Variants in FBLN1 observed in about 807,000 individuals in gnomAD.
FBLN1 encodes the protein fibulin-1.
FBLN1 carries 34 observed loss-of-function variants against 89.7 expected under a neutral mutation model. The ratio of observed to expected loss-of-function variants is 0.38; its 90% confidence interval spans 0.29 to 0.50. The LOEUF (loss-of-function observed/expected upper bound fraction) is 0.50. FBLN1 is among the 20% of genes least tolerant of loss of function. The pLI, the probability that FBLN1 is intolerant of heterozygous loss-of-function variation, is 0.92. For missense variants in FBLN1, 777 were observed against 988.1 expected, an observed-to-expected ratio of 0.79 and a Z score of 2.86; for synonymous variants, 393 against 391.3, an observed-to-expected ratio of 1.00 and a Z score of -0.05.
In FBLN1 at chr22:45,580,309, G is replaced by A. The variant is rs2089032000; in HGVS notation, c.1972+3201G>A. Among the ~76,000 whole-genome samples the A allele has an allele frequency of 6.6e-6, 1 of 152,156 alleles. No individual in the cohort carries two copies. The highest frequency in any genetic ancestry group is 6.5e-5 in the Admixed American group (1 of 15,284). On this transcript the variant is annotated intron_variant, in intron 16 of 16. Coordinates refer to ENST00000327858, the MANE Select transcript of FBLN1 (RefSeq NM_006486.3). The surrounding 1 kb of genome is among the most constrained non-coding windows in gnomAD (Gnocchi z 8.6). Reference sequence around the variant, plus strand: ...CTCCTGGGCAGCCCCGTGCAGCTCTGTGCTGCCTGCAGCACACGGCAGGGA... The same window carrying A: ...CTCCTGGGCAGCCCCGTGCAGCTCTATGCTGCCTGCAGCACACGGCAGGGA...
intron 1 of FBLN1, among the ~76,000 whole-genome samples, chr22:45,508,970 G>A (rs1206453127): frequency 1.3e-5 from 2 of 152,192 alleles, no homozygotes; most frequent in African/African-American, 2.4e-5. Flanking sequence ...ATGTGCATGC[G>A]TGTATATGTG....
chr22:45,579,942 C>G lies in FBLN1; in HGVS notation c.1972+2834C>G, dbSNP rs528401368. On this transcript the variant is annotated intron_variant, in intron 16 of 16. Coordinates refer to ENST00000327858, the MANE Select transcript of FBLN1 (RefSeq NM_006486.3). The surrounding 1 kb of genome is among the most constrained non-coding windows in gnomAD (Gnocchi z 5.5). Reference sequence around the variant, plus strand: ...TAATAGATGGTTCCACCGTTGGACTCGAGCCCAGCCTGAAGCAGCCCTGAA... The same window carrying G: ...TAATAGATGGTTCCACCGTTGGACTGGAGCCCAGCCTGAAGCAGCCCTGAA... Among the ~76,000 whole-genome samples, 1 of 152,130 alleles carries G rather than the reference C, an allele frequency of 6.6e-6. No homozygotes were observed. Among genetic ancestry groups the G allele is most frequent in the South Asian group, 2.1e-4 (1 of 4,814 alleles).
Position 45,574,938 on chromosome 22 carries a change from C to G in FBLN1, c.1840+285C>G, listed in dbSNP as rs944588393. 9.9e-5 allele frequency among the ~76,000 whole-genome samples: 15 copies of G among 152,164 alleles called. No homozygotes were observed. The highest frequency in any genetic ancestry group is 3.4e-3 in the Middle Eastern group (1 of 294). On this transcript the variant is annotated intron_variant, in intron 15 of 16. Transcript: ENST00000327858. This position sits in a 1 kb window ranked among gnomAD's most constrained non-coding sequence, Gnocchi z 4.1. ...CTGGGACTACAGGCGCCCGCCACCA[C>G]GCCTGGCTAATCTTTTTGTATTTTT...
chr22:45,585,999 C>T (rs2089082360), intron 16 of FBLN1, among the ~76,000 whole-genome samples: 1 of 150,516 alleles, frequency 6.6e-6, no homozygotes, highest in South Asian at 2.1e-4. Flanking sequence ...AGCTCCTGGG[C>T]TCAGGCCAGA....
intron 8 of FBLN1, 89 bp from the exon 9 acceptor site, chr22:45,541,140 G>A: frequency 6.5e-7 from 1 of 1,545,668 alleles, no homozygotes; most frequent in South Asian, 1.1e-5. Flanking sequence ...CAAAGAGGTG[G>A]GAAGGGGAGT....
intron 1 of FBLN1, among the ~76,000 whole-genome samples, chr22:45,507,889 C>G (rs559537493): frequency 6.6e-6 from 1 of 152,134 alleles, no homozygotes; most frequent in East Asian, 1.9e-4. Context: ...GTTTTGCTAC[C>G]TAGGTATGAA....
intron 1 of FBLN1, among the ~76,000 whole-genome samples, chr22:45,507,052 G>C (rs1335220901): frequency 1.3e-5 from 2 of 152,130 alleles, no homozygotes; most frequent in African/African-American, 4.8e-5. Flanking sequence ...TGGGAGGGGG[G>C]AACCACTGTG....
At position 45,536,806 on chromosome 22, in the gene FBLN1, A is replaced by G. The variant is rs2088488126; in HGVS notation, c.922+1469A>G. On this transcript the variant is annotated intron_variant, in intron 8 of 16. Transcript: ENST00000327858. This position sits in a 1 kb window ranked among gnomAD's most constrained non-coding sequence, Gnocchi z 5.1. ...AAGAAATTGCTGATATCAGAGAAAT[A>G]CTAATATGAAAAGAGAGAATCCCAT... is the stretch of plus-strand genomic sequence containing the variant. Among the ~76,000 whole-genome samples, 1 of 152,136 alleles carries G rather than the reference A, an allele frequency of 6.6e-6. No individual in the cohort carries two copies. Among genetic ancestry groups the G allele is most frequent in the Admixed American group, 6.6e-5 (1 of 15,264 alleles).
rs148016944 is a variant in FBLN1 at position 45,581,529 on chromosome 22, T to C, written c.1972+4421T>C. On this transcript the variant is annotated intron_variant, in intron 16 of 16. Coordinates refer to ENST00000327858, the MANE Select transcript of FBLN1 (RefSeq NM_006486.3). The surrounding 1 kb of genome is among the most constrained non-coding windows in gnomAD (Gnocchi z 7.6). ...CACATTTCTGTTAAAACCCTGCCAA[T>C]GCCAACAGGAGCTACAGAGCCTGCA... Among the ~76,000 whole-genome samples, 623 of 152,270 alleles carry C rather than the reference T, an allele frequency of 4.1e-3. 2 individuals carry two copies. The highest frequency in any genetic ancestry group is 0.015 in the African/African-American group (610 of 41,548).
At chr22:45,564,920 G>A (rs760556458) in intron 14 of FBLN1, 74 of 1,613,970 alleles carry the variant, frequency 4.6e-5, no homozygotes, top group Admixed American at 3.2e-4. Context: ...ACACCCCAGC[G>A]GGATCAAGTA....
rs5845717 is a variant in FBLN1 at position 45,547,386 on chromosome 22, G to GT, written c.1441+209dup. On this transcript the variant is annotated intron_variant, in intron 12 of 16. Transcript: ENST00000327858. Reference sequence around the variant, plus strand: ...GTTTGCTGTTTTCCCTCCAACTGAGGTTTTTTTTTTTTTTTTTTTTTTTTT... The same window carrying GT: ...GTTTGCTGTTTTCCCTCCAACTGAGGTTTTTTTTTTTTTTTTTTTTTTTTTT... Among the ~76,000 whole-genome samples, 4,198 of 53,702 alleles carry GT rather than the reference G, an allele frequency of 0.078. 895 individuals carry two copies. Among genetic ancestry groups the GT allele is most frequent in the Admixed American group, 0.14 (411 of 2,990 alleles). The allele number at this position is 53,702 out of a possible 152,430, so 35.2% of individuals were successfully genotyped here.
rs1213391028 is a variant in FBLN1 at position 45,550,775 on chromosome 22, A to G, written c.1697+160A>G. The stretch of plus-strand genomic sequence containing the variant: ...TGATCCCTGGCCCTCAAGCCCCTAA[A>G]TGCTAGTGACACTGGTCTCGGAAAG... On this transcript the variant is annotated intron_variant, in intron 14 of 16. Coordinates refer to ENST00000327858, the MANE Select transcript of FBLN1 (RefSeq NM_006486.3). This position sits in a 1 kb window ranked among gnomAD's most constrained non-coding sequence, Gnocchi z 8.4. The G allele has an allele frequency of 2.9e-6, 3 of 1,021,330 alleles. No homozygotes were observed. The Admixed American group carries it at 5.6e-5, about 19-fold the overall frequency. The allele number at this position is 1,021,330 out of a possible 1,614,324, so 63.3% of individuals were successfully genotyped here.
chr22:45,528,158 C>T (rs2088356152), intron 4 of FBLN1, 149 bp downstream of exon 4: 2 of 888,776 alleles, frequency 2.3e-6, no homozygotes, highest in Admixed American at 4.1e-5. Flanking sequence ...GGCAGGCCTT[C>T]AGGCTGGAGC....
At chr22:45,523,461 G>T (rs917549423) in intron 2 of FBLN1, among the ~76,000 whole-genome samples, 2 of 152,196 alleles carry the variant, frequency 1.3e-5, no homozygotes, top group African/African-American at 4.8e-5. Context: ...CCACCACTTC[G>T]GGAGGCTGAG....
chr22:45,521,581 G>C (rs2056353976), intron 2 of FBLN1, among the ~76,000 whole-genome samples: 1 of 152,168 alleles, frequency 6.6e-6, no homozygotes, highest in African/African-American at 2.4e-5. Flanking sequence ...TCTCACTGGG[G>C]TCCAAACCCC....
Position 45,597,808 on chromosome 22 carries a change from G to A in FBLN1, c.1973-2499G>A, listed in dbSNP as rs1299085757. 6.6e-6 allele frequency among the ~76,000 whole-genome samples: 1 copy of A among 152,220 alleles called. No homozygotes were observed. Among genetic ancestry groups the A allele is most frequent in the Non-Finnish European group, 1.5e-5 (1 of 68,044 alleles). On this transcript the variant is annotated intron_variant, in intron 16 of 16. Transcript: ENST00000327858. This position sits in a 1 kb window ranked among gnomAD's most constrained non-coding sequence, Gnocchi z 4.2. The stretch of plus-strand genomic sequence containing the variant: ...TGCTTATCTCTCCATCGGAGCTAAA[G>A]CCCATGTTTGCTTAGGGAACAGCCT...
chr22:45,535,372 C>A, intron 8 of FBLN1, 35 bp downstream of exon 8: 1 of 1,612,840 alleles, frequency 6.2e-7, no homozygotes, highest in Middle Eastern at 1.7e-4. Flanking sequence ...GCGGGTTATT[C>A]CAGGAGGGGC....
intron 16 of FBLN1, among the ~76,000 whole-genome samples, chr22:45,594,906 T>A (rs2009505): frequency 0.31 from 46,507 of 150,918 alleles, 10,000 homozygotes; most frequent in African/African-American, 0.61. Flanking sequence ...GAGTGGATGG[T>A]TGGGTTGATG....
intron 16 of FBLN1, among the ~76,000 whole-genome samples, chr22:45,600,039 C>T (rs991334206): frequency 2.0e-5 from 3 of 152,238 alleles, no homozygotes; most frequent in Non-Finnish European, 4.4e-5. Context: ...CCACAACTTT[C>T]CTCCAGGTTG....
Sources: allele counts gnomAD v4.1 joint callset (sites outside exome capture counted in the v4.1 genomes callset), GRCh38; gene constraint gnomAD v4.1.1; non-coding constraint Gnocchi (gnomAD v3.1); transcripts MANE v1.5; gene names NCBI Gene and HGNC (gene_info 2026-07-23, HGNC 2026-07-21).